The following FZD7 variants were observed in gnomAD, a reference collection of about 807,000 sequenced individuals.
FZD7 encodes frizzled class receptor 7, also known as frizzled-7.
FZD7 carries 21 observed loss-of-function variants against 39.0 expected under a neutral mutation model. The observed-to-expected ratio is 0.54, with a 90% confidence interval of 0.38 to 0.78. The LOEUF (loss-of-function observed/expected upper bound fraction) is 0.78. Among genes scored for constraint, FZD7 ranks in the 30% least tolerant of loss-of-function variants. FZD7 has a pLI of 0.00. For synonymous variants in FZD7, 428 were observed against 364.9 expected (o/e 1.17, Z -1.97); for missense variants, 695 against 805.0 (o/e 0.86, Z 1.65).
rs1277581411 is a variant in FZD7, at chr2:202,037,990, G to A, written c.*1618G>A. The A allele has an allele frequency of 6.0e-6, 1 of 166,958 alleles. No individual in the cohort carries two copies. Among genetic ancestry groups the A allele is most frequent in the Non-Finnish European group, 1.5e-5 (1 of 68,090 alleles). 10.3% of individuals were successfully genotyped at this position (166,958 alleles called of 1,614,324 possible). On this transcript the variant is annotated 3_prime_UTR_variant, in exon 1 of 1. Transcript: ENST00000286201. Reference sequence around the variant, plus strand: ...GGGTAAAGCTTAGCAGAGAATCATGGGAGCTAACCTTTATCCCACCTTTGA... The same window carrying A: ...GGGTAAAGCTTAGCAGAGAATCATGAGAGCTAACCTTTATCCCACCTTTGA...
At position 202,035,008 on chromosome 2, in the gene FZD7, C is replaced by A. The variant is rs1010905016; in HGVS notation, c.361C>A (p.Arg121Ser). 1.9e-6 allele frequency: 3 copies of A among 1,613,738 alleles called. No homozygotes were observed. The South Asian group carries it at 3.3e-5, about 18-fold the overall frequency. Reference sequence around the variant, plus strand: ...GCTCGATCAGGCCATCCCGCCGTGTCGTTCTCTGTGCGAGCGCGCCCGCCA... The same window carrying A: ...GCTCGATCAGGCCATCCCGCCGTGTAGTTCTCTGTGCGAGCGCGCCCGCCA... Reference protein sequence around the residue: ...TVLDQAIPPCRSLCERARQGC... With the variant: ...TVLDQAIPPCSSLCERARQGC... Residue 121 changes from arginine (R) to serine (S), a missense_variant, in exon 1 of 1, where the codon CGT (arginine) becomes AGT (serine). By Grantham distance (110) the Arg-to-Ser change is moderately radical (BLOSUM62 -1). Transcript: ENST00000286201.
In FZD7 at chr2:202,036,003, C is replaced by T. The variant is rs1319016197; in HGVS notation, c.1356C>T (p.Thr452=). 8.1e-6 allele frequency: 13 copies of T among 1,614,218 alleles called. No homozygotes were observed. Among genetic ancestry groups the T allele is most frequent in the Non-Finnish European group, 1.0e-5 (12 of 1,180,042 alleles). Residue 452 remains threonine (T), a synonymous_variant, in exon 1 of 1, where the codon ACC becomes ACT. Coordinates refer to ENST00000286201, the MANE Select transcript of FZD7 (RefSeq NM_003507.2). ...TCGTGTCCCTCTTCCGTATCCGCACCATCATGAAACACGACGGCACCAAGA... is the reference window on the plus strand; with the variant it reads ...TCGTGTCCCTCTTCCGTATCCGCACTATCATGAAACACGACGGCACCAAGA... The part of the protein sequence containing the change: ...AGFVSLFRIR[T]IMKHDGTKTE...
At position 202,036,273 on chromosome 2, in the gene FZD7, C is replaced by T. The variant is rs111263028; in HGVS notation, c.1626C>T (p.Ile542=). Residue 542 remains isoleucine (I), a synonymous_variant, in exon 1 of 1, where the codon ATC becomes ATT. Transcript: ENST00000286201. ...ACCTGATGACCATGATCGTCGGCATCACCACTGGCTTCTGGATCTGGTCGG... is the reference window on the plus strand; with the variant it reads ...ACCTGATGACCATGATCGTCGGCATTACCACTGGCTTCTGGATCTGGTCGG... The part of the protein sequence containing the change: ...IKYLMTMIVG[I]TTGFWIWSGK... 1 of 1,613,460 alleles carries T rather than the reference C, an allele frequency of 6.2e-7. No homozygotes were observed.
chr2:202,035,863 C>T lies in FZD7; in HGVS notation c.1216C>T (p.Leu406=), dbSNP rs138410404. ...GGCCATGGGCCAGGTAGACGGGGAC[C>T]TGCTGAGCGGGGTGTGCTACGTTGG... is the stretch of plus-strand genomic sequence containing the variant. The part of the protein sequence containing the change: ...ILAMGQVDGD[L]LSGVCYVGLS... Residue 406 remains leucine, a synonymous_variant, in exon 1 of 1, where the codon CTG becomes TTG. Coordinates refer to ENST00000286201, the MANE Select transcript of FZD7 (RefSeq NM_003507.2). 1.9e-6 allele frequency: 3 copies of T among 1,614,040 alleles called. No homozygotes were observed. The highest frequency in any genetic ancestry group is 1.7e-6 in the Non-Finnish European group (2 of 1,180,022).
rs936679696 is a variant in FZD7, at chr2:202,034,292, C to T, written c.-356C>T. Among the ~76,000 whole-genome samples the T allele has an allele frequency of 1.3e-5, 2 of 151,666 alleles. No homozygotes were observed. Among genetic ancestry groups the T allele is most frequent in the Non-Finnish European group, 2.9e-5 (2 of 67,868 alleles). On this transcript the variant is annotated 5_prime_UTR_variant, in exon 1 of 1. Coordinates refer to ENST00000286201, the MANE Select transcript of FZD7 (RefSeq NM_003507.2). ...CTGCGGTGCGCCGGGGGTCCAGAGT[C>T]TTGGGCAAACTTTGAAGGGTGCCGG...
rs1482369786 is a variant in FZD7 at position 202,036,624 on chromosome 2, T to C, written c.*252T>C. ...CAGGAAGATGATGATAACGGCGATG[T>C]GAATCGTCAAAGGTACGGGCCAGCT... On this transcript the variant is annotated 3_prime_UTR_variant, in exon 1 of 1. Transcript: ENST00000286201. The C allele has an allele frequency of 5.6e-6, 3 of 531,464 alleles. 1 individual carries two copies. The highest frequency in any genetic ancestry group is 5.1e-5 in the South Asian group (2 of 39,458). The allele number at this position is 531,464 out of a possible 1,614,324, so 32.9% of individuals were successfully genotyped here. A position where few individuals can be genotyped will look rare whatever the true frequency, so the allele number is the denominator to read the frequency against.
rs918041368 is a variant in FZD7 at position 202,033,972 on chromosome 2, C to G, written c.-676C>G. Among the ~76,000 whole-genome samples the G allele has an allele frequency of 2.0e-5, 3 of 151,432 alleles. No homozygotes were observed. Among genetic ancestry groups the G allele is most frequent in the African/African-American group, 7.3e-5 (3 of 41,250 alleles). On this transcript the variant is annotated 5_prime_UTR_variant, in exon 1 of 1. Transcript: ENST00000286201. ...CGGGGCCAGGCCGCGGGCACGAGCG[C>G]CTCGCGGTTTCGGACGCAGTGTGAC...
chr2:202,036,218 G>T lies in FZD7; in HGVS notation c.1571G>T (p.Ser524Ile). ...PCPPGHFPPMSPDFTVFMIKY... is the reference protein window; with the variant it reads ...PCPPGHFPPMIPDFTVFMIKY... Reference sequence around the variant, plus strand: ...CCGCCCGGCCACTTCCCGCCCATGAGCCCCGACTTCACCGTCTTCATGATC... The same window carrying T: ...CCGCCCGGCCACTTCCCGCCCATGATCCCCGACTTCACCGTCTTCATGATC... Residue 524 changes from serine to isoleucine, a missense_variant, in exon 1 of 1, where the codon AGC becomes ATC. By Grantham distance (142) the Ser-to-Ile change is moderately radical. Coordinates refer to ENST00000286201, the MANE Select transcript of FZD7 (RefSeq NM_003507.2). The T allele has an allele frequency of 5.0e-6, 8 of 1,613,592 alleles. No homozygotes were observed. The highest frequency in any genetic ancestry group is 6.8e-6 in the Non-Finnish European group (8 of 1,180,018).
Position 202,035,572 on chromosome 2 carries a change from C to G in FZD7, c.925C>G (p.Leu309Val), listed in dbSNP as rs1038142339. 3 of 1,613,994 alleles carry G rather than the reference C, an allele frequency of 1.9e-6. No homozygotes were observed. The highest frequency in any genetic ancestry group is 1.3e-5 in the African/African-American group (1 of 74,938). The change falls in exon 1 of 1, where the codon CTA (leucine) becomes GTA (valine). Residue 309 changes from leucine to valine, a missense_variant. Coordinates refer to ENST00000286201, the MANE Select transcript of FZD7 (RefSeq NM_003507.2). The part of the protein sequence containing the change: ...VAVAHVAGFL[L>V]EDRAVCVERF... ...CGTGGCGCACGTGGCCGGCTTCCTT[C>G]TAGAGGACCGCGCCGTGTGCGTGGA... is the stretch of plus-strand genomic sequence containing the variant.
In FZD7 at chr2:202,035,616, C is replaced by A. The variant is rs369546990; in HGVS notation, c.969C>A (p.Gly323=). The change falls in exon 1 of 1, where the codon GGC becomes GGA. Residue 323 remains glycine (G), a synonymous_variant. Transcript: ENST00000286201. The part of the protein sequence containing the change: ...AVCVERFSDD[G]YRTVAQGTKK... ...GCGTGGAGCGCTTCTCGGACGATGG[C>A]TACCGCACGGTGGCGCAGGGCACCA... The A allele has an allele frequency of 2.5e-6, 4 of 1,614,080 alleles. No individual in the cohort carries two copies. The African/African-American group carries it at 5.3e-5, about 22-fold the overall frequency.
chr2:202,035,645 A>AGG lies in FZD7; in HGVS notation c.999_1000dup (p.Glu334GlyfsTer35). On this transcript the variant is annotated frameshift_variant, in exon 1 of 1. Transcript: ENST00000286201. LOFTEE classifies it high-confidence loss of function. ...CGCACGGTGGCGCAGGGCACCAAGA[A>AGG]GGAGGGCTGCACCATCCTCTTCATG... The AGG allele has an allele frequency of 6.2e-7, 1 of 1,614,190 alleles. No individual in the cohort carries two copies. Among genetic ancestry groups the AGG allele is most frequent in the Non-Finnish European group, 8.5e-7 (1 of 1,180,034 alleles).
rs770224656 is a variant in FZD7, at chr2:202,034,830, C to G, written c.183C>G (p.Ala61=). The change falls in exon 1 of 1, where the codon GCC becomes GCG. Residue 61 remains alanine (A), a synonymous_variant. Transcript: ENST00000286201. The part of the protein sequence containing the change: ...PISIPLCTDI[A]YNQTILPNLL... ...CCATCCCGCTGTGCACGGACATCGCCTACAACCAGACCATCCTGCCCAACC... is the reference window on the plus strand; with the variant it reads ...CCATCCCGCTGTGCACGGACATCGCGTACAACCAGACCATCCTGCCCAACC... 5 of 1,614,024 alleles carry G rather than the reference C, an allele frequency of 3.1e-6. No homozygotes were observed. The highest frequency in any genetic ancestry group is 1.1e-5 in the South Asian group (1 of 91,066).
rs370102964 is a variant in FZD7 at position 202,035,832 on chromosome 2, T to C, written c.1185T>C (p.Thr395=). The change falls in exon 1 of 1, where the codon ACT becomes ACC. Residue 395 remains threonine (T), a synonymous_variant. Transcript: ENST00000286201. ...CCGTGCCCGCCGTCAAGACCATCAC[T>C]ATCCTGGCCATGGGCCAGGTAGACG... ...AWAVPAVKTI[T]ILAMGQVDGD... The C allele has an allele frequency of 6.2e-7, 1 of 1,613,922 alleles. No homozygotes were observed. Among genetic ancestry groups the C allele is most frequent in the African/African-American group, 1.3e-5 (1 of 74,920 alleles).
In FZD7 at chr2:202,036,483, A is replaced by G. The variant is rs536312561; in HGVS notation, c.*111A>G. The G allele has an allele frequency of 5.4e-5, 45 of 827,404 alleles. No individual in the cohort carries two copies. In the Middle Eastern group the frequency reaches 1.3e-3, roughly 24 times the overall value. 51.3% of individuals were successfully genotyped at this position (827,404 alleles called of 1,614,324 possible). A position where few individuals can be genotyped will look rare whatever the true frequency, so the allele number is the denominator to read the frequency against. On this transcript the variant is annotated 3_prime_UTR_variant, in exon 1 of 1. Coordinates refer to ENST00000286201, the MANE Select transcript of FZD7 (RefSeq NM_003507.2). ...TGTTTCTGTAACTTTCTCCCCCTCT[A>G]CTGAGAAGTGACCTGGAAGTGAGAA...
In FZD7 at chr2:202,035,667, C is replaced by G; in HGVS notation, c.1020C>G (p.Phe340Leu). 1.2e-6 allele frequency: 2 copies of G among 1,614,104 alleles called. No homozygotes were observed. Among genetic ancestry groups the G allele is most frequent in the Non-Finnish European group, 1.7e-6 (2 of 1,180,010 alleles). Residue 340 changes from phenylalanine (F) to leucine (L), a missense_variant, in exon 1 of 1, where the codon TTC (phenylalanine) becomes TTG (leucine). Physicochemically the swap from Phe to Leu is conservative, Grantham distance 22 (BLOSUM62 0). Coordinates refer to ENST00000286201, the MANE Select transcript of FZD7 (RefSeq NM_003507.2). ...GTKKEGCTIL[F>L]MVLYFFGMAS... Reference sequence around the variant, plus strand: ...AGAAGGAGGGCTGCACCATCCTCTTCATGGTGCTCTACTTCTTCGGCATGG... The same window carrying G: ...AGAAGGAGGGCTGCACCATCCTCTTGATGGTGCTCTACTTCTTCGGCATGG...
In FZD7 at chr2:202,038,010, C is replaced by T. The variant is rs1204683974; in HGVS notation, c.*1638C>T. ...TCATGGGAGCTAACCTTTATCCCACCTTTGACACTACCCTCCAATCTTGCA... is the reference window on the plus strand; with the variant it reads ...TCATGGGAGCTAACCTTTATCCCACTTTTGACACTACCCTCCAATCTTGCA... On this transcript the variant is annotated 3_prime_UTR_variant, in exon 1 of 1. Transcript: ENST00000286201. 1 of 167,070 alleles carries T rather than the reference C, an allele frequency of 6.0e-6. No homozygotes were observed. The highest frequency in any genetic ancestry group is 1.5e-5 in the Non-Finnish European group (1 of 68,126). 10.3% of individuals were successfully genotyped at this position (167,070 alleles called of 1,614,324 possible). A position where few individuals can be genotyped will look rare whatever the true frequency, so the allele number is the denominator to read the frequency against.
In FZD7 at chr2:202,034,525, C is replaced by G. The variant is rs1055443009; in HGVS notation, c.-123C>G. 1.2e-6 allele frequency: 1 copy of G among 814,930 alleles called. No individual in the cohort carries two copies. The highest frequency in any genetic ancestry group is 1.8e-6 in the Non-Finnish European group (1 of 565,060). 50.5% of individuals were successfully genotyped at this position (814,930 alleles called of 1,614,324 possible). A position where few individuals can be genotyped will look rare whatever the true frequency, so the allele number is the denominator to read the frequency against. ...CCTTTGCTCCACGCCGCCCACGGCC[C>G]GGCCCCGGCGCCGTGAGGACTCTCA... On this transcript the variant is annotated 5_prime_UTR_variant, in exon 1 of 1. Transcript: ENST00000286201.
chr2:202,034,704 G>T lies in FZD7; in HGVS notation c.57G>T (p.Val19=), dbSNP rs756968655. 1.9e-6 allele frequency: 3 copies of T among 1,609,758 alleles called. No homozygotes were observed. The highest frequency in any genetic ancestry group is 2.5e-6 in the Non-Finnish European group (3 of 1,179,400). ...CGTCCCTGGGCCTCTGTGCCCTGGT[G>T]CTGGCGCTGCTGGGCGCACTGTCCG... ...PLSSLGLCAL[V]LALLGALSAG... is the part of the protein sequence containing the mutation. The change falls in exon 1 of 1, where the codon GTG becomes GTT. Residue 19 remains valine (V), a synonymous_variant. Coordinates refer to ENST00000286201, the MANE Select transcript of FZD7 (RefSeq NM_003507.2).
At position 202,036,334 on chromosome 2, in the gene FZD7, A is replaced by G. The variant is rs1394116238; in HGVS notation, c.1687A>G (p.Arg563Gly). The change falls in exon 1 of 1, where the codon AGA becomes GGA. Residue 563 changes from arginine to glycine, a missense_variant. Coordinates refer to ENST00000286201, the MANE Select transcript of FZD7 (RefSeq NM_003507.2). Reference protein sequence around the residue: ...TLQSWRRFYHRLSHSSKGETA... With the variant: ...TLQSWRRFYHGLSHSSKGETA... ...GCAGTCGTGGCGCCGCTTCTACCAC[A>G]GACTTAGCCACAGCAGCAAGGGGGA... 3 of 1,612,948 alleles carry G rather than the reference A, an allele frequency of 1.9e-6. No homozygotes were observed. The highest frequency in any genetic ancestry group is 1.7e-5 in the Admixed American group (1 of 60,026).
Sources: gnomAD v4.1 joint callset for allele counts (sites outside exome capture counted in the v4.1 genomes callset) on GRCh38, gnomAD v4.1.1 for gene constraint, MANE v1.5 for transcripts, NCBI Gene and HGNC (gene_info 2026-07-23, HGNC 2026-07-21) for gene names.